MYO3A: variants seen among roughly 807,000 people sequenced by gnomAD.
MYO3A encodes the protein myosin IIIA.
MYO3A carries 180 observed loss-of-function variants against 192.7 expected under a neutral mutation model. That is an observed-to-expected ratio of 0.93 (90% confidence interval 0.83 to 1.06). The LOEUF is 1.06. MYO3A is among the 50% of genes least tolerant of loss of function. MYO3A has a pLI of 0.00. For missense variants in MYO3A, 1,896 were observed against 1,905.0 expected (o/e 1.00, Z 0.09); for synonymous variants, 628 against 645.3 (o/e 0.97, Z 0.41).
At chr10:26,118,181 A>G (rs973928182) in intron 17 of MYO3A, among the ~76,000 whole-genome samples, 1 of 151,728 alleles carries the variant, frequency 6.6e-6, no homozygotes, top group Non-Finnish European at 1.5e-5. Flanking sequence ...CCACTTTTTA[A>G]TAGGGTTTTT....
intron 10 of MYO3A, among the ~76,000 whole-genome samples, chr10:26,032,530 C>T (rs375493536): frequency 4.6e-5 from 7 of 152,030 alleles, no homozygotes; most frequent in African/African-American, 1.4e-4. Flanking sequence ...GCAGGAGAAT[C>T]GCTTGAACCA....
At chr10:26,054,768 C>T (rs1844217503) in intron 10 of MYO3A, among the ~76,000 whole-genome samples, 1 of 152,196 alleles carries the variant, frequency 6.6e-6, no homozygotes, top group Admixed American at 6.5e-5. Context: ...TGCCTACAGC[C>T]TCCAGAAACT....
chr10:26,039,490 G>C (rs1204333035), intron 10 of MYO3A, among the ~76,000 whole-genome samples: 1 of 152,084 alleles, frequency 6.6e-6, no homozygotes, highest in East Asian at 1.9e-4. Context: ...TTTGGTAGGA[G>C]TCAGCAGTGA....
intron 2 of MYO3A, among the ~76,000 whole-genome samples, chr10:25,950,684 C>A (rs573102247): frequency 6.6e-6 from 1 of 152,118 alleles, no homozygotes; most frequent in South Asian, 2.1e-4. Context: ...CACAATAATA[C>A]AAGGCTTAGA....
chr10:26,043,257 C>T (rs1843455143), intron 10 of MYO3A, among the ~76,000 whole-genome samples: 1 of 151,836 alleles, frequency 6.6e-6, no homozygotes, highest in East Asian at 1.9e-4. Flanking sequence ...CTGAGTCAGA[C>T]CTGAAGGCAG....
chr10:26,011,120 A>C (rs573253944), intron 6 of MYO3A, among the ~76,000 whole-genome samples: 1 of 152,142 alleles, frequency 6.6e-6, no homozygotes, highest in East Asian at 1.9e-4. Flanking sequence ...TCACAGGTCT[A>C]TTTACATATT....
intron 1 of MYO3A, among the ~76,000 whole-genome samples, chr10:25,934,740 C>T (rs1314933058): frequency 1.4e-5 from 2 of 138,074 alleles, no homozygotes; most frequent in African/African-American, 5.6e-5. Context: ...TGGGTGAACC[C>T]GAGGAGGGAA....
At chr10:26,120,086 C>T (rs183141974) in intron 17 of MYO3A, among the ~76,000 whole-genome samples, 43 of 152,064 alleles carry the variant, frequency 2.8e-4, no homozygotes, top group Admixed American at 1.6e-3. Context: ...ATCACTTCAG[C>T]CCAGGAGGCA....
chr10:26,028,690 A>G (rs1289552749), intron 10 of MYO3A, among the ~76,000 whole-genome samples: 1 of 152,194 alleles, frequency 6.6e-6, no homozygotes, highest in Non-Finnish European at 1.5e-5. Context: ...GGCTTGCCAC[A>G]GTTTCATGAA....
intron 2 of MYO3A, among the ~76,000 whole-genome samples, chr10:25,950,773 G>A (rs1837160034): frequency 6.6e-6 from 1 of 152,156 alleles, no homozygotes; most frequent in African/African-American, 2.4e-5. Context: ...TTAAAGATCA[G>A]TGGATTGGTG....
intron 10 of MYO3A, among the ~76,000 whole-genome samples, chr10:26,062,087 C>T (rs1032886527): frequency 2.6e-5 from 4 of 152,080 alleles, no homozygotes; most frequent in African/African-American, 4.8e-5. Flanking sequence ...TAAAGTTTAT[C>T]GAGAAACTAC....
intron 14 of MYO3A, among the ~76,000 whole-genome samples, chr10:26,085,638 G>A (rs1325612846): frequency 2.0e-5 from 3 of 152,168 alleles, no homozygotes; most frequent in African/African-American, 7.2e-5. Context: ...GATGTGTGGT[G>A]GCAGCAACTA....
chr10:26,041,224 G>T (rs1442312194), intron 10 of MYO3A, among the ~76,000 whole-genome samples: 2 of 151,536 alleles, frequency 1.3e-5, no homozygotes, highest in Non-Finnish European at 2.9e-5. Context: ...GCTTTTTTTG[G>T]TTCCGGTTGG....
intron 10 of MYO3A, among the ~76,000 whole-genome samples, chr10:26,051,071 A>G (rs1564496184): frequency 1.3e-5 from 2 of 152,192 alleles, no homozygotes; most frequent in Non-Finnish European, 2.9e-5. Flanking sequence ...AGTCAGTGAA[A>G]AAGCCTTCCC....
chr10:26,128,263 G>A, intron 19 of MYO3A, 128 bp from the exon 20 acceptor site: 1 of 916,572 alleles, frequency 1.1e-6, no homozygotes, highest in Non-Finnish European at 1.7e-6. Flanking sequence ...AGTTAAGAAA[G>A]TTTCACTCTA....
At chr10:26,161,868 A>G (rs1841500692) in intron 26 of MYO3A, among the ~76,000 whole-genome samples, 2 of 152,144 alleles carry the variant, frequency 1.3e-5, no homozygotes, top group East Asian at 3.9e-4. Flanking sequence ...TTACCTAAGT[A>G]TTTATTTCCA....
intron 15 of MYO3A, among the ~76,000 whole-genome samples, chr10:26,093,990 G>C (rs1041083769): frequency 6.6e-6 from 1 of 152,084 alleles, no homozygotes; most frequent in Non-Finnish European, 1.5e-5. Flanking sequence ...CTAACCAATA[G>C]CATTGTTACT....
At chr10:26,129,603 A>G (rs562707063) in intron 20 of MYO3A, among the ~76,000 whole-genome samples, 5 of 152,202 alleles carry the variant, frequency 3.3e-5, no homozygotes, top group African/African-American at 1.2e-4. Context: ...CATGTTCAGC[A>G]CTCACTGCAT....
chr10:26,197,923 C>T (rs1245774051), intron 32 of MYO3A, among the ~76,000 whole-genome samples: 1 of 152,220 alleles, frequency 6.6e-6, no homozygotes, highest in African/African-American at 2.4e-5. Context: ...TGACTTCCCC[C>T]TCTAAACTAG....
Sources: gnomAD v4.1 joint callset for allele counts (sites outside exome capture counted in the v4.1 genomes callset) on GRCh38, gnomAD v4.1.1 for gene constraint, MANE v1.5 for transcripts, NCBI Gene and HGNC (gene_info 2026-07-23, HGNC 2026-07-21) for gene names.